SDCCAG8: variants seen among roughly 807,000 people sequenced by gnomAD.
SDCCAG8 encodes the protein serologically defined colon cancer antigen 8.
SDCCAG8 carries 74 observed loss-of-function variants against 101.8 expected under a neutral mutation model. That is an observed-to-expected ratio of 0.73 (90% confidence interval 0.60 to 0.88). The LOEUF is 0.88. SDCCAG8 is among the 40% of genes least tolerant of loss of function. The pLI is 0.00. For synonymous variants in SDCCAG8, 281 were observed against 292.9 expected (o/e 0.96, Z 0.41); for missense variants, 787 against 822.6 (o/e 0.96, Z 0.53).
chr1:243,270,075 G>T (rs186881037), intron 1 of SDCCAG8, 30 bp from the exon 2 acceptor site: 25 of 1,614,094 alleles, frequency 1.5e-5, no homozygotes, highest in Non-Finnish European at 2.1e-5. Flanking sequence ...GACTCCATGG[G>T]TCCTAACTTT....
At chr1:243,264,777 CA>C (rs1050528855) in intron 1 of SDCCAG8, among the ~76,000 whole-genome samples, 4 of 152,202 alleles carry the variant, frequency 2.6e-5, no homozygotes, top group African/African-American at 9.7e-5. Context: ...CTGTAGGACT[CA>C]GGGGTCCTGT....
At chr1:243,420,121 CA>C (rs781427426) in intron 15 of SDCCAG8, among the ~76,000 whole-genome samples, 22 of 152,220 alleles carry the variant, frequency 1.4e-4, no homozygotes, top group Non-Finnish European at 2.9e-4. Context: ...TGATGGCTGA[CA>C]GTGTGCAGTA....
chr1:243,373,954 C>G (rs977786029), intron 12 of SDCCAG8, among the ~76,000 whole-genome samples: 4 of 151,850 alleles, frequency 2.6e-5, no homozygotes, highest in Admixed American at 2.0e-4. Context: ...ATCAGACAAA[C>G]AAGAAAGGAA....
At position 243,453,240 on chromosome 1, in the gene SDCCAG8, C is replaced by T. The variant is rs1279691663; in HGVS notation, c.1985+26682C>T. 7.9e-5 allele frequency among the ~76,000 whole-genome samples: 12 copies of T among 152,198 alleles called. No individual in the cohort carries two copies. In the East Asian group the frequency reaches 2.3e-3, roughly 29 times the overall value. On this transcript the variant is annotated intron_variant, in intron 16 of 17. Transcript: ENST00000366541. ...AGGTTTCGCTTGGCACTCAGGTGGG[C>T]ATCTGTCTCCATCCCACCGGCTGTA...
chr1:243,412,208 C>G (rs538797578), intron 13 of SDCCAG8, among the ~76,000 whole-genome samples: 4 of 152,268 alleles, frequency 2.6e-5, no homozygotes, highest in Admixed American at 1.3e-4. Context: ...TTACATTCTT[C>G]TCTAGTTGCT....
At chr1:243,403,655 T>TG (rs1553341936) in intron 13 of SDCCAG8, among the ~76,000 whole-genome samples, 97 of 152,048 alleles carry the variant, frequency 6.4e-4, no homozygotes, top group African/African-American at 2.1e-3. Flanking sequence ...TGGATTCCCA[T>TG]GGGGCGCTAA....
chr1:243,468,415 AC>A (rs937467184), intron 16 of SDCCAG8, among the ~76,000 whole-genome samples: 9 of 152,202 alleles, frequency 5.9e-5, no homozygotes, highest in African/African-American at 2.2e-4. Context: ...ATGGGGTTTC[AC>A]CATATTGGTC....
intron 9 of SDCCAG8, among the ~76,000 whole-genome samples, chr1:243,326,043 A>G (rs2074123838): frequency 6.6e-6 from 1 of 151,752 alleles, no homozygotes; most frequent in Non-Finnish European, 1.5e-5. Flanking sequence ...GGTATGTGTA[A>G]AGGCCTGAAG....
At position 243,377,637 on chromosome 1, in the gene SDCCAG8, G is replaced by A. The variant is rs184480306; in HGVS notation, c.1474-1084G>A. Among the ~76,000 whole-genome samples, 39 of 152,036 alleles carry A rather than the reference G, an allele frequency of 2.6e-4. No homozygotes were observed. In the East Asian group the frequency reaches 5.8e-3, roughly 23 times the overall value. ...ATGAATTATTTAATTTATCTTCCAT[G>A]ATGTATCAAATGTAGTTGGAGATTG... On this transcript the variant is annotated intron_variant, in intron 12 of 17. Coordinates refer to ENST00000366541, the MANE Select transcript of SDCCAG8 (RefSeq NM_006642.5).
chr1:243,493,309 G>A (rs1381286486), intron 17 of SDCCAG8, among the ~76,000 whole-genome samples: 1 of 152,188 alleles, frequency 6.6e-6, no homozygotes, highest in Non-Finnish European at 1.5e-5. Flanking sequence ...GCAGGGTCAG[G>A]GGTCTGCGGC....
intron 15 of SDCCAG8, among the ~76,000 whole-genome samples, chr1:243,419,952 A>G (rs550165821): frequency 6.6e-6 from 1 of 152,270 alleles, no homozygotes; most frequent in East Asian, 1.9e-4. Flanking sequence ...CCTGCTTCTC[A>G]TTCCTCCAGC....
At chr1:243,341,216 T>A (rs2147782465) in intron 11 of SDCCAG8, 43 bp downstream of exon 11, 1 of 1,606,664 alleles carries the variant, frequency 6.2e-7, no homozygotes, top group Non-Finnish European at 8.5e-7. Flanking sequence ...TAAGGAAATA[T>A]TTCCTTTGAA....
At chr1:243,494,661 G>T (rs1458087658) in intron 17 of SDCCAG8, among the ~76,000 whole-genome samples, 1 of 152,208 alleles carries the variant, frequency 6.6e-6, no homozygotes, top group Non-Finnish European at 1.5e-5. Context: ...GTCCAAGAGT[G>T]AGTACTTTCA....
rs540037314 is a variant in SDCCAG8, at chr1:243,453,571, A to G, written c.1985+27013A>G. Among the ~76,000 whole-genome samples the G allele has an allele frequency of 3.3e-5, 5 of 152,314 alleles. No individual in the cohort carries two copies. In the South Asian group the frequency reaches 1.0e-3, roughly 32 times the overall value. On this transcript the variant is annotated intron_variant, in intron 16 of 17. Transcript: ENST00000366541. ...AAACCCGCCTCTGTACATTTCTGAT[A>G]CAGTGTGAATGTTCTGGATGTAAGA...
At chr1:243,464,994 G>A (rs750002928) in intron 16 of SDCCAG8, among the ~76,000 whole-genome samples, 1 of 152,244 alleles carries the variant, frequency 6.6e-6, no homozygotes, top group Non-Finnish European at 1.5e-5. Flanking sequence ...GACTGTAACA[G>A]TGACTCCCAG....
intron 12 of SDCCAG8, among the ~76,000 whole-genome samples, chr1:243,353,288 C>T (rs1297282422): frequency 4.0e-5 from 6 of 151,316 alleles, no homozygotes; most frequent in Non-Finnish European, 7.4e-5. Flanking sequence ...GTCAGGAGTT[C>T]GAGGCCAGCC....
intron 1 of SDCCAG8, among the ~76,000 whole-genome samples, chr1:243,258,619 G>A (rs1304330822): frequency 6.6e-6 from 1 of 152,148 alleles, no homozygotes; most frequent in Non-Finnish European, 1.5e-5. Context: ...TGGTCAGGCT[G>A]CTCTAGAACT....
chr1:243,261,624 T>C (rs978100729), intron 1 of SDCCAG8, among the ~76,000 whole-genome samples: 24 of 152,218 alleles, frequency 1.6e-4, no homozygotes, highest in Non-Finnish European at 2.9e-4. Flanking sequence ...AGCAGTGATA[T>C]CATCTGGCTG....
intron 16 of SDCCAG8, among the ~76,000 whole-genome samples, chr1:243,462,952 T>C (rs1659428734): frequency 6.6e-6 from 1 of 151,996 alleles, no homozygotes; most frequent in African/African-American, 2.4e-5. Context: ...CCACCAAAGG[T>C]GGAAATGGTT....
Sources: allele counts gnomAD v4.1 joint callset (sites outside exome capture counted in the v4.1 genomes callset), GRCh38; gene constraint gnomAD v4.1.1; transcripts MANE v1.5; gene names NCBI Gene and HGNC (gene_info 2026-07-23, HGNC 2026-07-21).